SNTG2: variants seen among roughly 807,000 people sequenced by gnomAD.
SNTG2 encodes gamma-2-syntrophin.
A neutral mutation model predicts 70.9 loss-of-function variants in SNTG2; 74 were observed. The observed-to-expected ratio is 1.04, with a 90% CI of 0.86 to 1.27. The LOEUF (loss-of-function observed/expected upper bound fraction) is 1.27, where lower values mean the gene tolerates loss of function less well. Ranked by LOEUF, SNTG2 falls within the 50% of genes most tolerant of loss-of-function variation. The probability of loss-of-function intolerance (pLI) is 0.00; values close to 1 mark genes in which losing one functional copy is unlikely to be tolerated. For synonymous variants in SNTG2, 278 were observed against 273.8 expected (o/e 1.02, Z -0.15); for missense variants, 717 against 690.7 (o/e 1.04, Z -0.43).
chr2:1,120,095 G>A lies in SNTG2; in HGVS notation c.326-17527G>A, dbSNP rs377549914. On this transcript the variant is annotated intron_variant, in intron 4 of 16. Coordinates refer to ENST00000308624, the MANE Select transcript of SNTG2 (RefSeq NM_018968.4). The stretch of plus-strand genomic sequence containing the variant: ...TTCCTTATCTACCAATAATCACCTT[G>A]AATATTACAACAAGAAAATGAGAAA... Among the ~76,000 whole-genome samples, 187 of 152,044 alleles carry A rather than the reference G, an allele frequency of 1.2e-3. 4 individuals carry two copies. In the South Asian group the frequency reaches 0.026, roughly 21 times the overall value.
chr2:1,031,534 T>C (rs199728401), intron 1 of SNTG2, among the ~76,000 whole-genome samples: 2 of 49,466 alleles, frequency 4.0e-5, no homozygotes, highest in Non-Finnish European at 8.2e-5. Flanking sequence ...ATATATTTTT[T>C]TTTTTTTTTT....
At chr2:1,200,887 T>C (rs371784542) in intron 8 of SNTG2, among the ~76,000 whole-genome samples, 1 of 151,902 alleles carries the variant, frequency 6.6e-6, no homozygotes. Context: ...AAAAAGATTT[T>C]AGAAAAATTA....
At chr2:1,257,084 C>G (rs1209660954) in intron 12 of SNTG2, among the ~76,000 whole-genome samples, 1 of 151,992 alleles carries the variant, frequency 6.6e-6, no homozygotes, top group African/African-American at 2.4e-5. Context: ...CTAACACTTG[C>G]ATCCTCTGGT....
chr2:1,279,134 G>T (rs1412909635), intron 14 of SNTG2, among the ~76,000 whole-genome samples: 1 of 151,934 alleles, frequency 6.6e-6, no homozygotes, highest in Non-Finnish European at 1.5e-5. Flanking sequence ...CCGTCAGTGC[G>T]CGAATCACCC....
At chr2:1,140,776 A>G (rs1668698829) in intron 6 of SNTG2, among the ~76,000 whole-genome samples, 2 of 152,104 alleles carry the variant, frequency 1.3e-5, no homozygotes, top group Admixed American at 1.3e-4. Flanking sequence ...ATAGAAAATC[A>G]CTTCTAGTCT....
chr2:1,231,274 A>T (rs909091302), intron 9 of SNTG2, among the ~76,000 whole-genome samples: 2 of 152,030 alleles, frequency 1.3e-5, no homozygotes, highest in Non-Finnish European at 2.9e-5. Flanking sequence ...GGTGAAATAG[A>T]TCCAAAAGGT....
chr2:1,231,776 C>T (rs537525439), intron 9 of SNTG2, among the ~76,000 whole-genome samples: 67 of 152,298 alleles, frequency 4.4e-4, no homozygotes, highest in African/African-American at 1.5e-3. Flanking sequence ...CCGTGACAAA[C>T]CCAGGTGCTG....
chr2:1,037,132 G>A (rs1187388376), intron 1 of SNTG2, among the ~76,000 whole-genome samples: 1 of 152,230 alleles, frequency 6.6e-6, no homozygotes, highest in East Asian at 1.9e-4. Flanking sequence ...GTGGCCAAGT[G>A]GGAACATTCT....
chr2:1,204,810 G>A (rs6704935), intron 8 of SNTG2, among the ~76,000 whole-genome samples: 32,152 of 152,018 alleles, frequency 0.21, 4,081 homozygotes, highest in African/African-American at 0.37. Context: ...ATACGGTTTG[G>A]TACTACGCAC....
intron 8 of SNTG2, among the ~76,000 whole-genome samples, chr2:1,190,333 T>C (rs1010067101): frequency 2.6e-5 from 4 of 151,778 alleles, no homozygotes; most frequent in African/African-American, 9.7e-5. Flanking sequence ...TAATACAGTG[T>C]AAATGCTGTG....
At chr2:1,279,176 C>T (rs943271218) in intron 14 of SNTG2, among the ~76,000 whole-genome samples, 3 of 152,030 alleles carry the variant, frequency 2.0e-5, no homozygotes, top group African/African-American at 7.3e-5. Flanking sequence ...GCACACCACC[C>T]AGTAGTCACT....
chr2:1,137,491 C>T (rs186413183), intron 4 of SNTG2, 131 bp from the exon 5 acceptor site: 330 of 845,870 alleles, frequency 3.9e-4, no homozygotes, highest in Admixed American at 1.3e-3. Flanking sequence ...CATCTGCTCA[C>T]GTGGACACAT....
At chr2:1,195,708 C>A (rs1672867200) in intron 8 of SNTG2, among the ~76,000 whole-genome samples, 1 of 152,158 alleles carries the variant, frequency 6.6e-6, no homozygotes, top group African/African-American at 2.4e-5. Flanking sequence ...TTTTGCTGTG[C>A]AGAAGCTCTT....
chr2:1,045,742 T>C (rs1661697502), intron 1 of SNTG2, among the ~76,000 whole-genome samples: 2 of 152,240 alleles, frequency 1.3e-5, no homozygotes, highest in Non-Finnish European at 2.9e-5. Context: ...AATATGACAG[T>C]GTGGATGGTA....
chr2:1,144,197 G>C (rs1668950895), intron 6 of SNTG2, among the ~76,000 whole-genome samples: 2 of 152,052 alleles, frequency 1.3e-5, no homozygotes, highest in Admixed American at 1.3e-4. Context: ...GAGAAACATA[G>C]AACCTGGTTT....
chr2:1,267,944 C>T (rs1053427494), intron 14 of SNTG2, among the ~76,000 whole-genome samples: 16 of 152,186 alleles, frequency 1.1e-4, no homozygotes, highest in Non-Finnish European at 1.8e-4. Context: ...TATAATGTGT[C>T]GTGCAGTTAC....
intron 4 of SNTG2, among the ~76,000 whole-genome samples, chr2:1,114,463 C>T (rs1666785520): frequency 6.6e-6 from 1 of 152,040 alleles, no homozygotes; most frequent in African/African-American, 2.4e-5. Context: ...ATCTTTTGAA[C>T]TAAGTGAGGT....
intron 16 of SNTG2, among the ~76,000 whole-genome samples, chr2:1,328,032 G>C (rs1681827415): frequency 6.6e-6 from 1 of 152,114 alleles, no homozygotes; most frequent in African/African-American, 2.4e-5. Context: ...GAAGGTGAAG[G>C]GGGAGCCAGC....
chr2:1,120,601 A>G (rs112173518), intron 4 of SNTG2, among the ~76,000 whole-genome samples: 1,956 of 152,256 alleles, frequency 0.013, 35 homozygotes, highest in African/African-American at 0.042. Context: ...GAGAAGGGGT[A>G]GTTAAACTTA....
Sources: allele counts gnomAD v4.1 joint callset (sites outside exome capture counted in the v4.1 genomes callset), GRCh38; gene constraint gnomAD v4.1.1; transcripts MANE v1.5; gene names NCBI Gene and HGNC (gene_info 2026-07-23, HGNC 2026-07-21).